Variants in MARK1 observed in about 807,000 individuals in gnomAD.
MARK1 encodes the protein serine/threonine-protein kinase MARK1.
Under a neutral mutation model 96.3 loss-of-function variants are expected in MARK1, and 40 were observed. The observed-to-expected ratio is 0.42, with a 90% CI of 0.32 to 0.54. The LOEUF (loss-of-function observed/expected upper bound fraction) is 0.54, where lower values mean the gene tolerates loss of function less well. MARK1 is among the 20% of genes least tolerant of loss of function. The pLI is 0.16. For synonymous variants in MARK1, 317 were observed against 341.2 expected, an observed-to-expected ratio of 0.93 and a Z score of 0.78; for missense variants, 719 against 984.6, an observed-to-expected ratio of 0.73 and a Z score of 3.61.
chr1:220,540,118 C>T (rs1338223834), intron 1 of MARK1, among the ~76,000 whole-genome samples: 2 of 151,986 alleles, frequency 1.3e-5, no homozygotes. Context: ...TATTAGGGTT[C>T]TCCAGAGAAA....
At chr1:220,645,216 T>A (rs905182408) in intron 13 of MARK1, among the ~76,000 whole-genome samples, 2 of 151,820 alleles carry the variant, frequency 1.3e-5, no homozygotes, top group African/African-American at 4.8e-5. Context: ...ATAAGCACAA[T>A]CAAATGATAA....
intron 13 of MARK1, among the ~76,000 whole-genome samples, chr1:220,641,427 C>T (rs76234844): frequency 0.073 from 11,049 of 152,160 alleles, 483 homozygotes; most frequent in Middle Eastern, 0.19. Context: ...ATCTAGGAAG[C>T]GGGCCTTCAC....
intron 13 of MARK1, among the ~76,000 whole-genome samples, chr1:220,644,643 A>G (rs748838092): frequency 6.6e-6 from 1 of 152,202 alleles, no homozygotes; most frequent in Non-Finnish European, 1.5e-5. Flanking sequence ...TCTTGGTGCC[A>G]TGTGGCATTT....
intron 9 of MARK1, among the ~76,000 whole-genome samples, chr1:220,630,049 A>G (rs1211872653): frequency 6.6e-6 from 1 of 152,136 alleles, no homozygotes; most frequent in South Asian, 2.1e-4. Flanking sequence ...CAGCTGCACC[A>G]TTTTAGATTC....
At chr1:220,563,389 T>G (rs773598808) in intron 1 of MARK1, among the ~76,000 whole-genome samples, 2 of 152,234 alleles carry the variant, frequency 1.3e-5, no homozygotes, top group Non-Finnish European at 2.9e-5. Context: ...TGTTACTCAT[T>G]CCATTTACTC....
At chr1:220,585,175 T>C (rs1355335394) in intron 3 of MARK1, among the ~76,000 whole-genome samples, 1 of 152,230 alleles carries the variant, frequency 6.6e-6, no homozygotes, top group African/African-American at 2.4e-5. Context: ...AATAAGATTA[T>C]GCCTAATAGC....
At chr1:220,646,770 TTC>T (rs1368886286) in intron 13 of MARK1, among the ~76,000 whole-genome samples, 1 of 152,166 alleles carries the variant, frequency 6.6e-6, no homozygotes, top group African/African-American at 2.4e-5. Flanking sequence ...CCATCTCATC[TTC>T]AACAAACTTT....
intron 1 of MARK1, among the ~76,000 whole-genome samples, chr1:220,532,631 T>A (rs1660392595): frequency 6.6e-6 from 1 of 152,224 alleles, no homozygotes; most frequent in Admixed American, 6.5e-5. Flanking sequence ...AGGTGAATAA[T>A]GAAAATCTGA....
At chr1:220,562,601 C>T (rs1662750571) in intron 1 of MARK1, among the ~76,000 whole-genome samples, 1 of 152,196 alleles carries the variant, frequency 6.6e-6, no homozygotes, top group Non-Finnish European at 1.5e-5. Context: ...CATTTACAAA[C>T]TCCCACCTCC....
intron 5 of MARK1, among the ~76,000 whole-genome samples, chr1:220,602,187 C>T (rs1665790756): frequency 6.6e-6 from 1 of 152,088 alleles, no homozygotes; most frequent in South Asian, 2.1e-4. Context: ...GATTCTGGTT[C>T]ACTAATGGAA....
intron 1 of MARK1, among the ~76,000 whole-genome samples, chr1:220,549,440 G>A (rs1427560767): frequency 6.6e-6 from 1 of 152,184 alleles, no homozygotes; most frequent in African/African-American, 2.4e-5. Flanking sequence ...CCAGTTTTAA[G>A]TGCATCTCAG....
chr1:220,576,035 ACT>A (rs66478675), intron 1 of MARK1, among the ~76,000 whole-genome samples: 19,106 of 20,974 alleles, frequency 0.91, 8,643 homozygotes, highest in East Asian at 0.99. Context: ...TTCTTTTCAG[ACT>A]CTGCTAAAAT....
chr1:220,613,554 T>A (rs771226292), intron 6 of MARK1, among the ~76,000 whole-genome samples: 10 of 152,138 alleles, frequency 6.6e-5, no homozygotes, highest in Non-Finnish European at 1.0e-4. Flanking sequence ...TAACAAAAGA[T>A]AATGTAATTA....
intron 1 of MARK1, among the ~76,000 whole-genome samples, chr1:220,540,944 T>C (rs1017488551): frequency 1.3e-5 from 2 of 152,106 alleles, no homozygotes; most frequent in Admixed American, 1.3e-4. Flanking sequence ...CTCTTTTTTT[T>C]TTTGTTTGAG....
chr1:220,602,727 A>T (rs1293975620), intron 5 of MARK1, among the ~76,000 whole-genome samples: 1 of 152,130 alleles, frequency 6.6e-6, no homozygotes, highest in East Asian at 1.9e-4. Flanking sequence ...TCACTTAAGT[A>T]TGCTTAATAT....
At chr1:220,612,163 T>C (rs1474579636) in intron 6 of MARK1, among the ~76,000 whole-genome samples, 1 of 152,254 alleles carries the variant, frequency 6.6e-6, no homozygotes, top group Non-Finnish European at 1.5e-5. Flanking sequence ...TTAAAGATTA[T>C]TGCTACTTAT....
intron 1 of MARK1, among the ~76,000 whole-genome samples, chr1:220,571,257 A>T (rs1663431099): frequency 6.6e-6 from 1 of 152,196 alleles, no homozygotes; most frequent in South Asian, 2.1e-4. Context: ...ATGATAATGC[A>T]TGTAAAAGAC....
intron 6 of MARK1, among the ~76,000 whole-genome samples, chr1:220,613,103 T>C (rs1406715754): frequency 6.6e-6 from 1 of 152,140 alleles, no homozygotes; most frequent in Non-Finnish European, 1.5e-5. Flanking sequence ...AATAGAAGGC[T>C]CATAGGGAAG....
intron 14 of MARK1, 85 bp from the exon 15 acceptor site, chr1:220,651,901 T>C: frequency 8.8e-7 from 1 of 1,136,622 alleles, no homozygotes; most frequent in Non-Finnish European, 1.2e-6. Flanking sequence ...AGTTTAGATT[T>C]TTTAAAATAT....
Sources: allele counts gnomAD v4.1 joint callset (sites outside exome capture counted in the v4.1 genomes callset), GRCh38; gene constraint gnomAD v4.1.1; transcripts MANE v1.5; gene names NCBI Gene and HGNC (gene_info 2026-07-23, HGNC 2026-07-21).